PCDHGA10: variants seen among roughly 807,000 people sequenced by gnomAD.
PCDHGA10 encodes protocadherin gamma-A10.
Under a neutral mutation model 59.5 loss-of-function variants are expected in PCDHGA10, and 42 were observed. The ratio of observed to expected loss-of-function variants is 0.71; its 90% CI spans 0.55 to 0.91. PCDHGA10 has a LOEUF of 0.91. Among genes scored for constraint, PCDHGA10 ranks in the 40% least tolerant of loss-of-function variants. The probability of loss-of-function intolerance (pLI) is 0.00; values close to 1 mark genes in which losing one functional copy is unlikely to be tolerated. For synonymous variants in PCDHGA10, 511 were observed against 517.2 expected, an observed-to-expected ratio of 0.99 and a Z score of 0.16; for missense variants, 1,111 against 1,198.2, an observed-to-expected ratio of 0.93 and a Z score of 1.07.
At position 141,480,148 on chromosome 5, in the gene PCDHGA10, G is replaced by C. The variant is rs139861128; in HGVS notation, c.2437-14659G>C. On this transcript the variant is annotated intron_variant, in intron 1 of 3. Transcript: ENST00000398610. ...ATAACTGTTAAACAATTATTAGCCA[G>C]CTCCTAGCATTTTGGGAGGCTGAGG... 9.2e-4 allele frequency among the ~76,000 whole-genome samples: 140 copies of C among 152,036 alleles called. 1 individual carries two copies. The highest frequency in any genetic ancestry group is 3.1e-3 in the African/African-American group (127 of 41,470).
chr5:141,452,165 C>T (rs917431071), intron 1 of PCDHGA10, among the ~76,000 whole-genome samples: 2 of 152,120 alleles, frequency 1.3e-5, no homozygotes, highest in African/African-American at 4.8e-5. Flanking sequence ...TATTCTATTA[C>T]TAACATTTTT....
chr5:141,450,413 T>G (rs549247554), intron 1 of PCDHGA10, among the ~76,000 whole-genome samples: 1 of 152,334 alleles, frequency 6.6e-6, no homozygotes, highest in African/African-American at 2.4e-5. Context: ...GCCATTTGTC[T>G]TGTATAATGC....
chr5:141,418,087 C>T (rs2096220274), intron 1 of PCDHGA10: 9 of 1,613,894 alleles, frequency 5.6e-6, no homozygotes, highest in Non-Finnish European at 7.6e-6. Flanking sequence ...TGCACTTCAG[C>T]GTAGACGCGC....
chr5:141,490,480 C>A lies in PCDHGA10; in HGVS notation c.2437-4327C>A, dbSNP rs564439931. ...GCTGCTAACCAGCCAGCCTTTGGAC[C>A]GGGAGGCCACATCCCACTATATCAT... On this transcript the variant is annotated intron_variant, in intron 1 of 3. Transcript: ENST00000398610. The surrounding 1 kb of genome is among the most constrained non-coding windows in gnomAD (Gnocchi z 5.4). 2.5e-5 allele frequency: 40 copies of A among 1,614,076 alleles called. No homozygotes were observed. The highest frequency in any genetic ancestry group is 5.9e-6 in the Non-Finnish European group (7 of 1,180,058).
Position 141,431,141 on chromosome 5 carries a change from G to T in PCDHGA10, c.2436+15530G>T. 1.2e-6 allele frequency: 2 copies of T among 1,614,212 alleles called. No homozygotes were observed. Among genetic ancestry groups the T allele is most frequent in the South Asian group, 1.1e-5 (1 of 91,084 alleles). On this transcript the variant is annotated intron_variant, in intron 1 of 3. Coordinates refer to ENST00000398610, the MANE Select transcript of PCDHGA10 (RefSeq NM_018913.3). This position sits in a 1 kb window ranked among gnomAD's most constrained non-coding sequence, Gnocchi z 4.8. ...AGAAGTAGAAGTAAGGGACATTAACGACAATGCGCCTTACTTTCGTGAAAG... is the reference window on the plus strand; with the variant it reads ...AGAAGTAGAAGTAAGGGACATTAACTACAATGCGCCTTACTTTCGTGAAAG...
In PCDHGA10 at chr5:141,476,255, G is replaced by A. The variant is rs767691159; in HGVS notation, c.2437-18552G>A. 6.2e-7 allele frequency: 1 copy of A among 1,614,090 alleles called. No individual in the cohort carries two copies. Among genetic ancestry groups the A allele is most frequent in the Admixed American group, 1.7e-5 (1 of 60,022 alleles). ...GGAGGAAAGAGAGAAGGGTTTCGCT[G>A]TGGGCAACGTGGTCGCGAACCTTGG... On this transcript the variant is annotated intron_variant, in intron 1 of 3. Transcript: ENST00000398610. The surrounding 1 kb of genome is among the most constrained non-coding windows in gnomAD (Gnocchi z 7.6).
At chr5:141,423,755 GGGGGGT>G in intron 1 of PCDHGA10, 4 of 512,470 alleles carry the variant, frequency 7.8e-6, no homozygotes, top group Non-Finnish European at 1.0e-5. Context: ...CTGTTTGGGG[GGGGGGT>G]GGGGCGGCAT....
Position 141,485,715 on chromosome 5 carries a change from A to G in PCDHGA10, c.2437-9092A>G. The G allele has an allele frequency of 6.2e-7, 1 of 1,614,114 alleles. No homozygotes were observed. Among genetic ancestry groups the G allele is most frequent in the Non-Finnish European group, 8.5e-7 (1 of 1,180,012 alleles). On this transcript the variant is annotated intron_variant, in intron 1 of 3. Transcript: ENST00000398610. The surrounding 1 kb of genome is among the most constrained non-coding windows in gnomAD (Gnocchi z 5.7). ...AGCTCCAATGAACACTTTGCACTGGATGTGAAGAAGCGCAGCGACGGCAGC... is the reference window on the plus strand; with the variant it reads ...AGCTCCAATGAACACTTTGCACTGGGTGTGAAGAAGCGCAGCGACGGCAGC...
At chr5:141,478,483 G>A in intron 1 of PCDHGA10, 13 of 1,613,548 alleles carry the variant, frequency 8.1e-6, no homozygotes, top group Non-Finnish European at 1.1e-5. Flanking sequence ...AGAACACGCT[G>A]CGGAGCTGTG....
At chr5:141,496,808 G>A (rs1387209844) in intron 2 of PCDHGA10, among the ~76,000 whole-genome samples, 3 of 151,736 alleles carry the variant, frequency 2.0e-5, no homozygotes, top group South Asian at 4.2e-4. Flanking sequence ...GGCTATAGGA[G>A]TGAACAAGTA....
At position 141,432,252 on chromosome 5, in the gene PCDHGA10, G is replaced by A. The variant is rs749107567; in HGVS notation, c.2436+16641G>A. 3.7e-6 allele frequency: 6 copies of A among 1,614,220 alleles called. No homozygotes were observed. The highest frequency in any genetic ancestry group is 5.1e-6 in the Non-Finnish European group (6 of 1,180,042). ...TCCCTGGCTGAGAACACCATCCAAG[G>A]GGCAAGCCTATCGTCCTACGTGTCC... On this transcript the variant is annotated intron_variant, in intron 1 of 3. Coordinates refer to ENST00000398610, the MANE Select transcript of PCDHGA10 (RefSeq NM_018913.3). The surrounding 1 kb of genome is among the most constrained non-coding windows in gnomAD (Gnocchi z 6.0).
intron 1 of PCDHGA10, among the ~76,000 whole-genome samples, chr5:141,470,448 T>C (rs1384666661): frequency 6.6e-6 from 1 of 152,192 alleles, no homozygotes. Flanking sequence ...TTTAATAGCA[T>C]CTTGAATAGG....
At chr5:141,480,021 C>T (rs1415230863) in intron 1 of PCDHGA10, among the ~76,000 whole-genome samples, 2 of 152,208 alleles carry the variant, frequency 1.3e-5, no homozygotes, top group East Asian at 3.8e-4. Flanking sequence ...AATCTCCTTT[C>T]TAAGCCTCTT....
At position 141,485,430 on chromosome 5, in the gene PCDHGA10, T is replaced by C; in HGVS notation, c.2437-9377T>C. The C allele has an allele frequency of 6.2e-7, 1 of 1,614,138 alleles. No individual in the cohort carries two copies. Among genetic ancestry groups the C allele is most frequent in the Non-Finnish European group, 8.5e-7 (1 of 1,180,022 alleles). On this transcript the variant is annotated intron_variant, in intron 1 of 3. Transcript: ENST00000398610. The surrounding 1 kb of genome is among the most constrained non-coding windows in gnomAD (Gnocchi z 5.7). ...GATTTGGACAGCGGAGCCCTGCTCA[T>C]CAAGAACCCAATCGACCGAGAGGCA... is the stretch of plus-strand genomic sequence containing the variant.
chr5:141,473,235 C>T (rs1322325327), intron 1 of PCDHGA10, among the ~76,000 whole-genome samples: 1 of 152,132 alleles, frequency 6.6e-6, no homozygotes, highest in Non-Finnish European at 1.5e-5. Flanking sequence ...TGGATCCACA[C>T]AAGTGAATAC....
chr5:141,478,155 G>A (rs138384601), intron 1 of PCDHGA10: 1 of 1,613,992 alleles, frequency 6.2e-7, no homozygotes, highest in Non-Finnish European at 8.5e-7. Context: ...TTCCCCTCTG[G>A]CTCTGCCCCC....
rs11952292 is a variant in PCDHGA10 at position 141,491,682 on chromosome 5, G to T, written c.2437-3125G>T. The T allele has an allele frequency of 0.072, 115,891 of 1,613,112 alleles. 4,572 individuals carry two copies. The highest frequency in any genetic ancestry group is 0.11 in the South Asian group (9,996 of 91,042). ...ACGCCATCCGGTCCCGCTCTAATAC[G>T]CTGCGGGAGCGGAGCCAGGTGAGGG... On this transcript the variant is annotated intron_variant, in intron 1 of 3. Coordinates refer to ENST00000398610, the MANE Select transcript of PCDHGA10 (RefSeq NM_018913.3). The surrounding 1 kb of genome is among the most constrained non-coding windows in gnomAD (Gnocchi z 6.9).
At position 141,485,971 on chromosome 5, in the gene PCDHGA10, C is replaced by T; in HGVS notation, c.2437-8836C>T. On this transcript the variant is annotated intron_variant, in intron 1 of 3. Transcript: ENST00000398610. This position sits in a 1 kb window ranked among gnomAD's most constrained non-coding sequence, Gnocchi z 5.7. Reference sequence around the variant, plus strand: ...GCATGGTGCTCATCCAGCTCAATGCCTCAGACCCGGACCTGGGTCCCAGTG... The same window carrying T: ...GCATGGTGCTCATCCAGCTCAATGCTTCAGACCCGGACCTGGGTCCCAGTG... The T allele has an allele frequency of 6.2e-7, 1 of 1,614,196 alleles. No individual in the cohort carries two copies. The highest frequency in any genetic ancestry group is 8.5e-7 in the Non-Finnish European group (1 of 1,180,042).
At position 141,413,599 on chromosome 5, in the gene PCDHGA10, C is replaced by G; in HGVS notation, c.424C>G (p.Leu142Val). 2 of 1,613,830 alleles carry G rather than the reference C, an allele frequency of 1.2e-6. No individual in the cohort carries two copies. The highest frequency in any genetic ancestry group is 2.2e-5 in the East Asian group (1 of 44,862). ...TGCTCCAAAATTCCAAGCAGAAAAT[C>G]TAGACGTAAAAATTAATGAAAATGT... ...DNAPKFQAENLDVKINENVAA... is the reference protein window; with the variant it reads ...DNAPKFQAENVDVKINENVAA... Residue 142 changes from leucine (L) to valine (V), a missense_variant, in exon 1 of 4, where the codon CTA (leucine) becomes GTA (valine). Leu to Val is a conservative substitution (Grantham distance 32). Coordinates refer to ENST00000398610, the MANE Select transcript of PCDHGA10 (RefSeq NM_018913.3).
Sources: allele counts gnomAD v4.1 joint callset (sites outside exome capture counted in the v4.1 genomes callset), GRCh38; gene constraint gnomAD v4.1.1; non-coding constraint Gnocchi (gnomAD v3.1); transcripts MANE v1.5; gene names NCBI Gene and HGNC (gene_info 2026-07-23, HGNC 2026-07-21).